CCDC57: variants seen among roughly 807,000 people sequenced by gnomAD.
CCDC57 encodes the protein coiled-coil domain-containing protein 57.
In CCDC57, 118 loss-of-function variants were observed where a neutral mutation model predicts 118.9. The ratio of observed to expected loss-of-function variants is 0.99; its 90% CI spans 0.86 to 1.16. CCDC57 has a LOEUF of 1.16. Among genes scored for constraint, CCDC57 ranks in the 50% most tolerant of loss-of-function variants. CCDC57 has a pLI of 0.00. For missense variants in CCDC57, 1,300 were observed against 1,320.7 expected (o/e 0.98, Z 0.24); for synonymous variants, 527 against 532.9 (o/e 0.99, Z 0.15).
At chr17:82,141,958 G>A (rs1333987750) in intron 16 of CCDC57, among the ~76,000 whole-genome samples, 1 of 152,078 alleles carries the variant, frequency 6.6e-6, no homozygotes, top group Non-Finnish European at 1.5e-5. Context: ...ATAGGCATGC[G>A]GATTCTGCCC....
intron 19 of CCDC57, among the ~76,000 whole-genome samples, chr17:82,117,850 A>C (rs1238614214): frequency 1.3e-5 from 2 of 152,076 alleles, no homozygotes; most frequent in Non-Finnish European, 2.9e-5. Flanking sequence ...CCTGGGGGCA[A>C]TTGGGTAACA....
chr17:82,180,080 T>C (rs573414151), intron 9 of CCDC57, among the ~76,000 whole-genome samples: 1 of 152,224 alleles, frequency 6.6e-6, no homozygotes, highest in Non-Finnish European at 1.5e-5. Context: ...GCTGGCCTCA[T>C]TGCACCGGTA....
chr17:82,183,717 C>A, intron 9 of CCDC57, 57 bp downstream of exon 8: 1 of 1,505,004 alleles, frequency 6.6e-7, no homozygotes, highest in Non-Finnish European at 9.0e-7. Flanking sequence ...TTAGTACCTA[C>A]AACAGCACCT....
intron 11 of CCDC57, among the ~76,000 whole-genome samples, chr17:82,174,293 AG>A (rs2045175736): frequency 6.6e-6 from 1 of 152,246 alleles, no homozygotes; most frequent in South Asian, 2.1e-4. Flanking sequence ...CGCTGCGCTC[AG>A]GGGTGGAGAG....
In CCDC57 at chr17:82,199,695, G is replaced by A. The variant is rs141064143; in HGVS notation, c.408-1273C>T. 5.1e-3 allele frequency among the ~76,000 whole-genome samples: 779 copies of A among 152,248 alleles called. 4 individuals carry two copies. The highest frequency in any genetic ancestry group is 8.9e-3 in the South Asian group (43 of 4,820). ...GGCCTCAGCTGTCCAAGCACTGCAC[G>A]CACCTGCACGGACTCGGCGCCCAGA... is the stretch of plus-strand genomic sequence containing the variant. On this transcript the variant is annotated intron_variant, in intron 3 of 19. Coordinates refer to ENST00000665763, the Ensembl canonical transcript of CCDC57.
At chr17:82,178,673 C>T (rs1353154993) in intron 10 of CCDC57, 68 bp from the exon 10 acceptor site, 8 of 1,570,552 alleles carry the variant, frequency 5.1e-6, no homozygotes, top group Non-Finnish European at 6.9e-6. Flanking sequence ...GCTGAGGCTC[C>T]AATGGCACAC....
intron 15 of CCDC57, among the ~76,000 whole-genome samples, chr17:82,152,917 A>T (rs1024252753): frequency 6.6e-6 from 1 of 152,200 alleles, no homozygotes; most frequent in South Asian, 2.1e-4. Context: ...GGGATGACAC[A>T]TCGAAGGGGA....
rs2050216910 is a variant in CCDC57, at chr17:82,212,259, T to A, written c.-211+526A>T. On this transcript the variant is annotated intron_variant, in intron 1 of 19. Coordinates refer to ENST00000665763, the Ensembl canonical transcript of CCDC57. This position sits in a 1 kb window ranked among gnomAD's most constrained non-coding sequence, Gnocchi z 4.1. Reference sequence around the variant, plus strand: ...ACCACCACGCCCAATAATTTTTGTATTTTTAGTAGAGAGGGGGTTTCACCA... The same window carrying A: ...ACCACCACGCCCAATAATTTTTGTAATTTTAGTAGAGAGGGGGTTTCACCA... Among the ~76,000 whole-genome samples the A allele has an allele frequency of 6.6e-6, 1 of 152,050 alleles. No homozygotes were observed. The highest frequency in any genetic ancestry group is 2.4e-5 in the African/African-American group (1 of 41,398).
chr17:82,134,130 C>A, exon 17 of CCDC57: 1 of 1,396,950 alleles, frequency 7.2e-7, no homozygotes, highest in Non-Finnish European at 9.3e-7. Flanking sequence ...CCAAAGGCCT[C>A]CTGGGCTCCT....
Position 82,127,299 on chromosome 17 carries a change from C to T in CCDC57, c.2899+393G>A, listed in dbSNP as rs771765845. ...TCGCTGGGGTCGACCTGGCTCTTCC[C>T]CAGGAGCAGGGCCGTCTAAAGTGCA... is the stretch of plus-strand genomic sequence containing the variant. On this transcript the variant is annotated intron_variant, in intron 19 of 19. Coordinates refer to ENST00000665763, the Ensembl canonical transcript of CCDC57. The T allele has an allele frequency of 2.1e-5, 21 of 985,332 alleles. No individual in the cohort carries two copies. The Admixed American group carries it at 4.3e-4, about 20-fold the overall frequency. The allele number at this position is 985,332 out of a possible 1,614,324, so 61.0% of individuals were successfully genotyped here.
At chr17:82,193,267 G>A (rs1224027133) in intron 7 of CCDC57, among the ~76,000 whole-genome samples, 1 of 152,058 alleles carries the variant, frequency 6.6e-6, no homozygotes, top group East Asian at 1.9e-4. Flanking sequence ...AGCAAGGCTG[G>A]GTGTGGCGGC....
At chr17:82,210,858 G>A (rs1338281141) in intron 1 of CCDC57, among the ~76,000 whole-genome samples, 2 of 150,742 alleles carry the variant, frequency 1.3e-5, no homozygotes, top group African/African-American at 4.9e-5. Context: ...GCTGGGGGTG[G>A]TGGTGGGCGG....
rs199932921 is a variant in CCDC57, at chr17:82,198,337, C to T, written c.493G>A (p.Gly165Ser). 306 of 1,613,214 alleles carry T rather than the reference C, an allele frequency of 1.9e-4. 1 individual carries two copies. Among genetic ancestry groups the T allele is most frequent in the Non-Finnish European group, 1.2e-4 (142 of 1,179,418 alleles). The change falls in exon 4 of 20, where the codon GGT (glycine) becomes AGT (serine). Residue 165 changes from glycine to serine, a missense_variant. By Grantham distance (56) the Gly-to-Ser change is moderately conservative. Coordinates refer to ENST00000665763, the Ensembl canonical transcript of CCDC57. ...ACCTGTCTCTGCAGAGCAAGCTCAC[C>T]GTCGAGCTCCTCAAGTTTTCTCTCC... is the stretch of plus-strand genomic sequence containing the variant.
At chr17:82,204,468 T>C (rs755400647) in intron 2 of CCDC57, among the ~76,000 whole-genome samples, 2 of 152,174 alleles carry the variant, frequency 1.3e-5, no homozygotes, top group Non-Finnish European at 2.9e-5. Context: ...CTTTTTTGGC[T>C]GCCAAAGGAA....
intron 19 of CCDC57, among the ~76,000 whole-genome samples, chr17:82,104,123 G>A (rs1337229432): frequency 1.3e-5 from 2 of 152,236 alleles, no homozygotes; most frequent in Non-Finnish European, 1.5e-5. Context: ...CTAATCTGAG[G>A]TCAACCCAGT....
intron 19 of CCDC57, among the ~76,000 whole-genome samples, chr17:82,107,005 C>T (rs998569573): frequency 6.6e-6 from 1 of 152,190 alleles, no homozygotes; most frequent in Non-Finnish European, 1.5e-5. Context: ...GCCTGAGACC[C>T]GTGTCTCAGG....
Position 82,205,103 on chromosome 17 carries a change from TGTGCACAC to T in CCDC57, c.-9+2736_-9+2743del, listed in dbSNP as rs1390477640. On this transcript the variant is annotated intron_variant, in intron 2 of 19. Coordinates refer to ENST00000665763, the Ensembl canonical transcript of CCDC57. ...TGTACACAGAGGACATGCACACACC[TGTGCACAC>T]ACCTGTGCACACACAGGGAAAGAAT... Among the ~76,000 whole-genome samples, 198 of 68,626 alleles carry T rather than the reference TGTGCACAC, an allele frequency of 2.9e-3. 1 individual carries two copies. Among genetic ancestry groups the T allele is most frequent in the African/African-American group, 0.013 (190 of 14,526 alleles). The allele number at this position is 68,626 out of a possible 152,430, so 45.0% of individuals were successfully genotyped here.
exon 10 of CCDC57, chr17:82,179,157 C>T (rs1241022989): frequency 6.2e-7 from 1 of 1,613,962 alleles, no homozygotes. Context: ...GCTCCGCTCC[C>T]TTTCCACTGC....
intron 17 of CCDC57, among the ~76,000 whole-genome samples, chr17:82,132,651 C>T (rs1242443005): frequency 6.6e-6 from 1 of 151,922 alleles, no homozygotes; most frequent in East Asian, 1.9e-4. Flanking sequence ...AACTCCTGGG[C>T]TCAAGCAGTC....
Sources: gnomAD v4.1 joint callset for allele counts (sites outside exome capture counted in the v4.1 genomes callset) on GRCh38, gnomAD v4.1.1 for gene constraint, Gnocchi (gnomAD v3.1) non-coding constraint, MANE v1.5 for transcripts, NCBI Gene and HGNC (gene_info 2026-07-23, HGNC 2026-07-21) for gene names.